RFTN1: variants seen among roughly 807,000 people sequenced by gnomAD.
The protein encoded by RFTN1 is raftlin.
RFTN1 carries 26 observed loss-of-function variants against 46.5 expected under a neutral mutation model. That is an observed-to-expected ratio of 0.56 (90% CI 0.41 to 0.78). The LOEUF (loss-of-function observed/expected upper bound fraction) is 0.78. RFTN1 is among the 30% of genes least tolerant of loss of function. The pLI is 0.00. For synonymous variants in RFTN1, 261 were observed against 284.2 expected, an observed-to-expected ratio of 0.92 and a Z score of 0.82; for missense variants, 693 against 718.7, an observed-to-expected ratio of 0.96 and a Z score of 0.41.
intron 4 of RFTN1, among the ~76,000 whole-genome samples, chr3:16,401,220 G>C (rs1413029530): frequency 2.0e-5 from 3 of 152,022 alleles, no homozygotes; most frequent in African/African-American, 7.2e-5. Context: ...CTACTTGGGA[G>C]GCTGAGGCAG....
rs1286802838 is a variant in RFTN1 at position 16,370,506 on chromosome 3, A to G, written c.827-227T>C. On this transcript the variant is annotated intron_variant, in intron 5 of 9. Coordinates refer to ENST00000334133, the MANE Select transcript of RFTN1 (RefSeq NM_015150.2). The surrounding 1 kb of genome is among the most constrained non-coding windows in gnomAD (Gnocchi z 5.5). ...TGAAGGGTTGGGCTTCTGATGGGGAACTTAGGTTTTTAATCTGGAATATAA... is the reference window on the plus strand; with the variant it reads ...TGAAGGGTTGGGCTTCTGATGGGGAGCTTAGGTTTTTAATCTGGAATATAA... 6.6e-6 allele frequency among the ~76,000 whole-genome samples: 1 copy of G among 152,186 alleles called. No homozygotes were observed. Among genetic ancestry groups the G allele is most frequent in the Non-Finnish European group, 1.5e-5 (1 of 68,036 alleles).
intron 2 of RFTN1, among the ~76,000 whole-genome samples, chr3:16,445,095 C>A (rs1460526522): frequency 6.6e-6 from 1 of 152,166 alleles, no homozygotes; most frequent in Non-Finnish European, 1.5e-5. Flanking sequence ...TTTCCAAGAA[C>A]CTATTAACAA....
chr3:16,382,257 GACC>G lies in RFTN1; in HGVS notation c.442-4158_442-4156del, dbSNP rs1260691108. ...GGTGCGTAGTCCTTTTTAACTAGAC[GACC>G]ACATTTAGATTTTATGAAGATCAAT... On this transcript the variant is annotated intron_variant, in intron 4 of 9. Transcript: ENST00000334133. This position sits in a 1 kb window ranked among gnomAD's most constrained non-coding sequence, Gnocchi z 4.7. 1.3e-5 allele frequency among the ~76,000 whole-genome samples: 2 copies of G among 152,080 alleles called. No individual in the cohort carries two copies. Among genetic ancestry groups the G allele is most frequent in the Non-Finnish European group, 2.9e-5 (2 of 68,012 alleles).
At position 16,403,633 on chromosome 3, in the gene RFTN1, TAATA is replaced by T. The variant is rs1285731591; in HGVS notation, c.441+5738_441+5741del. On this transcript the variant is annotated intron_variant, in intron 4 of 9. Transcript: ENST00000334133. ...ATATATAATATATATTTTATGTATA[TAATA>T]TATAATATATATATAATATATATTT... Among the ~76,000 whole-genome samples, 2 of 42,804 alleles carry T rather than the reference TAATA, an allele frequency of 4.7e-5. 1 individual carries two copies. Among genetic ancestry groups the T allele is most frequent in the East Asian group, 1.5e-3 (2 of 1,296 alleles). 28.1% of individuals were successfully genotyped at this position (42,804 alleles called of 152,430 possible). A position where few individuals can be genotyped will look rare whatever the true frequency, so the allele number is the denominator to read the frequency against.
intron 4 of RFTN1, among the ~76,000 whole-genome samples, chr3:16,406,794 CA>C: frequency 6.6e-6 from 1 of 152,294 alleles, no homozygotes; most frequent in South Asian, 2.1e-4. Flanking sequence ...TATGCTGTTT[CA>C]CTAAAAGTCA....
rs142815767 is a variant in RFTN1, at chr3:16,320,655, G to A, written c.1332+2721C>T. Among the ~76,000 whole-genome samples the A allele has an allele frequency of 6.6e-6, 1 of 152,334 alleles. No homozygotes were observed. Among genetic ancestry groups the A allele is most frequent in the African/African-American group, 2.4e-5 (1 of 41,572 alleles). ...AAAGGAGTCTGGTTTGGTATAAAAG[G>A]AGACAGCACTGTTCTGAGAAAAGGA... On this transcript the variant is annotated intron_variant, in intron 9 of 9. Coordinates refer to ENST00000334133, the MANE Select transcript of RFTN1 (RefSeq NM_015150.2). The surrounding 1 kb of genome is among the most constrained non-coding windows in gnomAD (Gnocchi z 4.5).
chr3:16,361,385 C>T lies in RFTN1; in HGVS notation c.1031-3338G>A, dbSNP rs990825329. ...AAAGTCCCTGCCTACATGAAGCTTA[C>T]CTTGCAGTGGAGGAGGAAGACAATA... On this transcript the variant is annotated intron_variant, in intron 6 of 9. Coordinates refer to ENST00000334133, the MANE Select transcript of RFTN1 (RefSeq NM_015150.2). This position sits in a 1 kb window ranked among gnomAD's most constrained non-coding sequence, Gnocchi z 4.3. 6.6e-5 allele frequency among the ~76,000 whole-genome samples: 10 copies of T among 152,114 alleles called. No homozygotes were observed. The highest frequency in any genetic ancestry group is 2.4e-4 in the African/African-American group (10 of 41,418).
chr3:16,413,679 A>G lies in RFTN1; in HGVS notation c.333-4196T>C, dbSNP rs2075016750. ...CTAACAGCAAAAGCCCCCCCAACCT[A>G]CTTTATCTGGAAATTAACACTAAGC... is the stretch of plus-strand genomic sequence containing the variant. On this transcript the variant is annotated intron_variant, in intron 3 of 9. Coordinates refer to ENST00000334133, the MANE Select transcript of RFTN1 (RefSeq NM_015150.2). The surrounding 1 kb of genome is among the most constrained non-coding windows in gnomAD (Gnocchi z 4.7). 6.6e-6 allele frequency among the ~76,000 whole-genome samples: 1 copy of G among 152,296 alleles called. No individual in the cohort carries two copies. The highest frequency in any genetic ancestry group is 2.1e-4 in the South Asian group (1 of 4,824).
Position 16,341,366 on chromosome 3 carries a change from C to T in RFTN1, c.1147-14490G>A, listed in dbSNP as rs761533251. ...GAAACCTACACATGGCTGTTTATAGCAGCTTTATTCATAATTGCTAAAACT... is the reference window on the plus strand; with the variant it reads ...GAAACCTACACATGGCTGTTTATAGTAGCTTTATTCATAATTGCTAAAACT... On this transcript the variant is annotated intron_variant, in intron 7 of 9. Transcript: ENST00000334133. This position sits in a 1 kb window ranked among gnomAD's most constrained non-coding sequence, Gnocchi z 4.7. 4.6e-5 allele frequency among the ~76,000 whole-genome samples: 7 copies of T among 152,220 alleles called. No homozygotes were observed. Among genetic ancestry groups the T allele is most frequent in the Non-Finnish European group, 7.3e-5 (5 of 68,050 alleles).
chr3:16,465,451 CA>C lies in RFTN1; in HGVS notation c.145+28273del, dbSNP rs2076074317. On this transcript the variant is annotated intron_variant, in intron 2 of 9. Transcript: ENST00000334133. The surrounding 1 kb of genome is among the most constrained non-coding windows in gnomAD (Gnocchi z 5.1). ...ACACACACACACACACACACACACA[CA>C]CACCCCATGCCTGATTAAACAAAAT... 6.6e-6 allele frequency among the ~76,000 whole-genome samples: 1 copy of C among 151,344 alleles called. No homozygotes were observed. The highest frequency in any genetic ancestry group is 2.4e-5 in the African/African-American group (1 of 41,104).
At position 16,344,763 on chromosome 3, in the gene RFTN1, C is replaced by G. The variant is rs2071530414; in HGVS notation, c.1146+13169G>C. ...TGCGGCCTCTCAATCAGTTATACAC[C>G]ACCCATAGGCCCTTCCTTTTTATTT... On this transcript the variant is annotated intron_variant, in intron 7 of 9. Coordinates refer to ENST00000334133, the MANE Select transcript of RFTN1 (RefSeq NM_015150.2). This position sits in a 1 kb window ranked among gnomAD's most constrained non-coding sequence, Gnocchi z 4.4. Among the ~76,000 whole-genome samples, 1 of 152,188 alleles carries G rather than the reference C, an allele frequency of 6.6e-6. No homozygotes were observed. Among genetic ancestry groups the G allele is most frequent in the African/African-American group, 2.4e-5 (1 of 41,434 alleles).
chr3:16,479,302 T>C lies in RFTN1; in HGVS notation c.145+14423A>G, dbSNP rs1209845706. On this transcript the variant is annotated intron_variant, in intron 2 of 9. Coordinates refer to ENST00000334133, the MANE Select transcript of RFTN1 (RefSeq NM_015150.2). The surrounding 1 kb of genome is among the most constrained non-coding windows in gnomAD (Gnocchi z 5.1). ...TAAATGGTATTAAGAAAAAAGATATTTTCTTGGTTTTTAGTTGTTTTAGGC... is the reference window on the plus strand; with the variant it reads ...TAAATGGTATTAAGAAAAAAGATATCTTCTTGGTTTTTAGTTGTTTTAGGC... Among the ~76,000 whole-genome samples, 1 of 152,212 alleles carries C rather than the reference T, an allele frequency of 6.6e-6. No homozygotes were observed. The highest frequency in any genetic ancestry group is 2.4e-5 in the African/African-American group (1 of 41,450).
rs887026741 is a variant in RFTN1 at position 16,346,744 on chromosome 3, C to T, written c.1146+11188G>A. 6.6e-5 allele frequency among the ~76,000 whole-genome samples: 10 copies of T among 152,198 alleles called. No homozygotes were observed. The highest frequency in any genetic ancestry group is 2.6e-4 in the Admixed American group (4 of 15,284). Reference sequence around the variant, plus strand: ...AAAAGGGACGTGTGGCAGGAAAAAACTGCCCCGTTCTTCACGGTTGTCATC... The same window carrying T: ...AAAAGGGACGTGTGGCAGGAAAAAATTGCCCCGTTCTTCACGGTTGTCATC... On this transcript the variant is annotated intron_variant, in intron 7 of 9. Transcript: ENST00000334133. The surrounding 1 kb of genome is among the most constrained non-coding windows in gnomAD (Gnocchi z 4.4).
intron 4 of RFTN1, among the ~76,000 whole-genome samples, chr3:16,405,931 A>G (rs977395409): frequency 1.8e-4 from 28 of 152,228 alleles, no homozygotes; most frequent in African/African-American, 6.5e-4. Context: ...GAGGCGGCCA[A>G]TGACACAGCT....
Position 16,341,290 on chromosome 3 carries a change from A to G in RFTN1, c.1147-14414T>C, listed in dbSNP as rs1308751480. 2.6e-5 allele frequency among the ~76,000 whole-genome samples: 4 copies of G among 152,242 alleles called. No individual in the cohort carries two copies. The highest frequency in any genetic ancestry group is 6.5e-5 in the Admixed American group (1 of 15,282). ...ACATACTTTACAATATGATCCAGCA[A>G]TCATACTCCTTGGTATTTACCCAAA... On this transcript the variant is annotated intron_variant, in intron 7 of 9. Transcript: ENST00000334133. This position sits in a 1 kb window ranked among gnomAD's most constrained non-coding sequence, Gnocchi z 4.7.
At position 16,493,769 on chromosome 3, in the gene RFTN1, A is replaced by C. The variant is rs757310718; in HGVS notation, c.101T>G (p.Val34Gly). The change falls in exon 2 of 10, where the codon GTG (valine) becomes GGG (glycine). Residue 34 changes from valine to glycine, a missense_variant. By Grantham distance (109) the Val-to-Gly change is moderately radical. Transcript: ENST00000334133. ...KRPQVETKIDVSYEYRFLEFT... is the reference protein window; with the variant it reads ...KRPQVETKIDGSYEYRFLEFT... ...CTCCAGGAAGCGGTATTCATAGGAC[A>C]CATCTATCTTGGTTTCCACCTGAGG... is the stretch of plus-strand genomic sequence containing the variant. The C allele has an allele frequency of 1.2e-6, 2 of 1,613,492 alleles. No individual in the cohort carries two copies. The highest frequency in any genetic ancestry group is 1.7e-6 in the Non-Finnish European group (2 of 1,179,860).
rs897959375 is a variant in RFTN1 at position 16,337,153 on chromosome 3, C to T, written c.1147-10277G>A. The stretch of plus-strand genomic sequence containing the variant: ...ATGAGGACAGGCCCAGGCTAGCCTT[C>T]GGATGATGAGAGACCTGTGGCCCTG... On this transcript the variant is annotated intron_variant, in intron 7 of 9. Transcript: ENST00000334133. This position sits in a 1 kb window ranked among gnomAD's most constrained non-coding sequence, Gnocchi z 5.0. 1 of 152,218 alleles carries T rather than the reference C, an allele frequency of 6.6e-6. No homozygotes were observed. Among genetic ancestry groups the T allele is most frequent in the Non-Finnish European group, 1.5e-5 (1 of 68,054 alleles). 9.4% of individuals were successfully genotyped at this position (152,218 alleles called of 1,614,324 possible).
intron 2 of RFTN1, among the ~76,000 whole-genome samples, chr3:16,491,765 CAAACA>C (rs2076541929): frequency 6.7e-6 from 1 of 148,784 alleles, no homozygotes; most frequent in Non-Finnish European, 1.5e-5. Context: ...AACAAACAAA[CAAACA>C]AAACAAACAA....
In RFTN1 at chr3:16,468,413, G is replaced by A. The variant is rs1162368273; in HGVS notation, c.145+25312C>T. On this transcript the variant is annotated intron_variant, in intron 2 of 9. Coordinates refer to ENST00000334133, the MANE Select transcript of RFTN1 (RefSeq NM_015150.2). The surrounding 1 kb of genome is among the most constrained non-coding windows in gnomAD (Gnocchi z 4.4). ...GACTGTCAAAAATGTCCCCACCCTGGGATCAGGCATCAGATCCTAACAACA... is the reference window on the plus strand; with the variant it reads ...GACTGTCAAAAATGTCCCCACCCTGAGATCAGGCATCAGATCCTAACAACA... Among the ~76,000 whole-genome samples, 1 of 152,086 alleles carries A rather than the reference G, an allele frequency of 6.6e-6. No individual in the cohort carries two copies.
Sources: gnomAD v4.1 joint callset for allele counts (sites outside exome capture counted in the v4.1 genomes callset) on GRCh38, gnomAD v4.1.1 for gene constraint, Gnocchi (gnomAD v3.1) non-coding constraint, MANE v1.5 for transcripts, NCBI Gene and HGNC (gene_info 2026-07-23, HGNC 2026-07-21) for gene names.